The following LINGO2 variants were observed in gnomAD, a reference collection of about 807,000 sequenced individuals.
LINGO2 encodes leucine-rich repeat and immunoglobulin-like domain-containing nogo receptor-interacting protein 2.
A neutral mutation model predicts 30.6 loss-of-function variants in LINGO2; 14 were observed. The observed-to-expected ratio is 0.46, with a 90% CI of 0.30 to 0.72. LINGO2 has a LOEUF of 0.72. Ranked by LOEUF, LINGO2 falls within the 30% of genes least tolerant of loss-of-function variation. The pLI is 0.07. For synonymous variants in LINGO2, 317 were observed against 288.5 expected, an observed-to-expected ratio of 1.10 and a Z score of -1.00; for missense variants, 729 against 751.7, an observed-to-expected ratio of 0.97 and a Z score of 0.35.
chr9:28,575,587 T>C (rs368808028), intron 1 of LINGO2, among the ~76,000 whole-genome samples: 1 of 151,972 alleles, frequency 6.6e-6, no homozygotes, highest in South Asian at 2.1e-4. Flanking sequence ...CTAACTTTTG[T>C]ATACTATGCC....
At chr9:28,059,916 G>C (rs1439269005) in intron 4 of LINGO2, among the ~76,000 whole-genome samples, 1 of 151,904 alleles carries the variant, frequency 6.6e-6, no homozygotes, top group Non-Finnish European at 1.5e-5. Flanking sequence ...GCAAAGGGGA[G>C]GGCTTTGGAT....
At chr9:28,026,869 C>G (rs538538133) in intron 4 of LINGO2, among the ~76,000 whole-genome samples, 1 of 152,100 alleles carries the variant, frequency 6.6e-6, no homozygotes, top group South Asian at 2.1e-4. Context: ...AAACTTTGCC[C>G]TTGTCTAAAA....
intron 3 of LINGO2, among the ~76,000 whole-genome samples, chr9:28,369,663 G>T (rs1308980975): frequency 6.6e-6 from 1 of 152,206 alleles, no homozygotes. Context: ...ATAATAAAAT[G>T]CTGGAAGAAA....
chr9:28,557,219 A>T (rs1449387179), intron 1 of LINGO2, among the ~76,000 whole-genome samples: 1 of 152,024 alleles, frequency 6.6e-6, no homozygotes, highest in Non-Finnish European at 1.5e-5. Flanking sequence ...AACCTACAAA[A>T]TGGGAGAAAA....
chr9:28,850,715 G>C, the LINGO2 span, among the ~76,000 whole-genome samples: 1 of 152,006 alleles, frequency 6.6e-6, no homozygotes, highest in Non-Finnish European at 1.5e-5. Flanking sequence ...GGGATGTATG[G>C]CATGAGTTAG....
chr9:28,749,245 TCTC>T, the LINGO2 span, among the ~76,000 whole-genome samples: 1 of 151,950 alleles, frequency 6.6e-6, no homozygotes, highest in African/African-American at 2.4e-5. Context: ...AGCAAAGCCC[TCTC>T]CTCTGGAAAA....
chr9:27,956,479 AT>A (rs1366599514), intron 5 of LINGO2, among the ~76,000 whole-genome samples: 3 of 152,138 alleles, frequency 2.0e-5, no homozygotes, highest in African/African-American at 7.2e-5. Flanking sequence ...TATTGTGAAT[AT>A]TTTATGCTCA....
At chr9:29,102,098 T>C in the LINGO2 span, among the ~76,000 whole-genome samples, 11 of 149,054 alleles carry the variant, frequency 7.4e-5, no homozygotes, top group African/African-American at 1.5e-4. Context: ...TTTTTTTTTT[T>C]CGAGACCCAG....
chr9:28,848,363 T>TTG, the LINGO2 span, among the ~76,000 whole-genome samples: 1,302 of 74,504 alleles, frequency 0.017, 11 homozygotes, highest in East Asian at 0.038. Flanking sequence ...TACACATATA[T>TTG]TGTGTGTGTG....
the LINGO2 span, among the ~76,000 whole-genome samples, chr9:29,190,562 G>T: frequency 6.6e-6 from 1 of 151,998 alleles, no homozygotes. Context: ...ATTAAAATAG[G>T]TAAGAAGTGC....
At chr9:28,311,875 G>T (rs1435106205) in intron 3 of LINGO2, among the ~76,000 whole-genome samples, 1 of 152,160 alleles carries the variant, frequency 6.6e-6, no homozygotes, top group African/African-American at 2.4e-5. Flanking sequence ...TATTGATAGG[G>T]GAAGTGATAA....
intron 4 of LINGO2, among the ~76,000 whole-genome samples, chr9:28,196,461 C>T (rs1026899850): frequency 2.0e-5 from 3 of 151,346 alleles, no homozygotes; most frequent in African/African-American, 7.3e-5. Flanking sequence ...CAAGCAGTAC[C>T]CATTAACAAG....
At chr9:28,180,980 G>A (rs1828895102) in intron 4 of LINGO2, among the ~76,000 whole-genome samples, 1 of 152,146 alleles carries the variant, frequency 6.6e-6, no homozygotes, top group Non-Finnish European at 1.5e-5. Context: ...AAAACCACAT[G>A]ATAAGAATTG....
rs553939169 is a variant in LINGO2 at position 28,028,462 on chromosome 9, T to TA, written c.-86-16058dup. ...AGGATTTAGGTTTCTATAGATGCTA[T>TA]ACTTGCTCATATACAAATGTATATA... On this transcript the variant is annotated intron_variant, in intron 4 of 5. Coordinates refer to ENST00000379992, the Ensembl canonical transcript of LINGO2. Among the ~76,000 whole-genome samples the TA allele has an allele frequency of 1.2e-3, 187 of 152,304 alleles. 3 individuals carry two copies. The South Asian group carries it at 0.037, about 30-fold the overall frequency.
chr9:28,654,801 A>G (rs1256748832), intron 1 of LINGO2, among the ~76,000 whole-genome samples: 1 of 152,134 alleles, frequency 6.6e-6, no homozygotes, highest in Non-Finnish European at 1.5e-5. Context: ...AACTGAGATA[A>G]TAACAGCATC....
At chr9:29,177,369 T>C in the LINGO2 span, among the ~76,000 whole-genome samples, 4 of 152,210 alleles carry the variant, frequency 2.6e-5, no homozygotes, top group African/African-American at 9.7e-5. Context: ...GTTAATGTGC[T>C]TTTCAAAATT....
At chr9:28,992,853 A>G in the LINGO2 span, among the ~76,000 whole-genome samples, 2 of 152,084 alleles carry the variant, frequency 1.3e-5, no homozygotes, top group Admixed American at 1.3e-4. Flanking sequence ...TCTCTGGGAC[A>G]CATTCAAAGC....
At chr9:27,945,788 C>T (rs1823342322), downstream of LINGO2, among the ~76,000 whole-genome samples, 1 of 152,088 alleles carries the variant, frequency 6.6e-6, no homozygotes, top group Admixed American at 6.5e-5. Flanking sequence ...CAGAGCTTTG[C>T]ACGCACAAAA....
the LINGO2 span, among the ~76,000 whole-genome samples, chr9:28,864,134 C>A: frequency 6.6e-6 from 1 of 151,980 alleles, no homozygotes; most frequent in Non-Finnish European, 1.5e-5. Flanking sequence ...CTAAAGATAT[C>A]CTCAGTTACT....
Sources: allele counts gnomAD v4.1 joint callset (sites outside exome capture counted in the v4.1 genomes callset), GRCh38; gene constraint gnomAD v4.1.1; transcripts MANE v1.5; gene names NCBI Gene and HGNC (gene_info 2026-07-23, HGNC 2026-07-21).